Variants in VAV2 observed in about 807,000 individuals in gnomAD.
VAV2 encodes the protein vav guanine nucleotide exchange factor 2.
VAV2 carries 67 observed loss-of-function variants against 132.5 expected under a neutral mutation model. The observed-to-expected ratio is 0.51, with a 90% CI of 0.42 to 0.62. The LOEUF (loss-of-function observed/expected upper bound fraction) is 0.62. Ranked by LOEUF, VAV2 falls within the 20% of genes least tolerant of loss-of-function variation. The pLI, the probability that VAV2 is intolerant of heterozygous loss-of-function variation, is 0.00. For synonymous variants in VAV2, 492 were observed against 443.5 expected (o/e 1.11, Z -1.37); for missense variants, 938 against 1,153.6 (o/e 0.81, Z 2.71).
chr9:133,779,200 G>A (rs560376939), intron 21 of VAV2, among the ~76,000 whole-genome samples: 4 of 152,348 alleles, frequency 2.6e-5, no homozygotes, highest in Admixed American at 2.0e-4. Flanking sequence ...GGCAGAAGAC[G>A]GGGGATCCCT....
At chr9:133,790,999 T>A (rs1023649367) in intron 13 of VAV2, among the ~76,000 whole-genome samples, 1 of 152,124 alleles carries the variant, frequency 6.6e-6, no homozygotes, top group Non-Finnish European at 1.5e-5. Flanking sequence ...GGGGTGCTAC[T>A]GGTGTCTGGT....
At chr9:133,843,251 G>C (rs765437030) in intron 3 of VAV2, among the ~76,000 whole-genome samples, 24 of 152,296 alleles carry the variant, frequency 1.6e-4, no homozygotes, top group Admixed American at 9.8e-4. Context: ...GAGACAGCTC[G>C]GGGTGGCAGG....
chr9:133,979,814 G>T (rs1020336102), intron 1 of VAV2, among the ~76,000 whole-genome samples: 2 of 152,210 alleles, frequency 1.3e-5, no homozygotes, highest in Admixed American at 1.3e-4. Flanking sequence ...TGAGGGGAAG[G>T]CGGCGCCAGC....
chr9:133,807,285 G>A lies in VAV2; in HGVS notation c.708C>T (p.Asp236=), dbSNP rs753667428. 4.3e-6 allele frequency: 7 copies of A among 1,611,280 alleles called. No homozygotes were observed. Among genetic ancestry groups the A allele is most frequent in the Non-Finnish European group, 5.9e-6 (7 of 1,179,384 alleles). ...SPLRLVLSPA[D]MAAVFINLED... ...CCAGGTTAATGAAGACAGCTGCCATGTCCGCCGGGCTCAGCACCAGCCGCA... is the reference window on the plus strand; with the variant it reads ...CCAGGTTAATGAAGACAGCTGCCATATCCGCCGGGCTCAGCACCAGCCGCA... The change falls in exon 8 of 30, where the codon GAC becomes GAT. Residue 236 remains aspartate (D), a synonymous_variant. Coordinates refer to ENST00000371850, the MANE Select transcript of VAV2 (RefSeq NM_001134398.2).
At chr9:133,793,888 T>C (rs929727422) in intron 12 of VAV2, among the ~76,000 whole-genome samples, 8 of 152,148 alleles carry the variant, frequency 5.3e-5, no homozygotes, top group African/African-American at 1.9e-4. Context: ...AGTGGCTGCA[T>C]GAATGACTTC....
At chr9:133,939,379 C>T (rs1044154675) in intron 1 of VAV2, 160 bp from the exon 2 acceptor site, 17 of 694,828 alleles carry the variant, frequency 2.4e-5, no homozygotes, top group African/African-American at 1.8e-4. Flanking sequence ...AGAGAGATGA[C>T]GAAACCCCCC....
At chr9:133,799,666 G>GC (rs1331113972) in intron 9 of VAV2, among the ~76,000 whole-genome samples, 1 of 152,104 alleles carries the variant, frequency 6.6e-6, no homozygotes, top group African/African-American at 2.4e-5. Context: ...ATGGGAACCT[G>GC]CCCCCTGGTT....
intron 2 of VAV2, among the ~76,000 whole-genome samples, chr9:133,891,259 A>C (rs1428134676): frequency 3.5e-4 from 34 of 96,028 alleles, no homozygotes; most frequent in Non-Finnish European, 5.6e-4. Flanking sequence ...TCTCAGCAGG[A>C]GGGATGGGGG....
intron 29 of VAV2, among the ~76,000 whole-genome samples, chr9:133,765,444 A>G (rs1833400537): frequency 6.6e-6 from 1 of 152,246 alleles, no homozygotes; most frequent in East Asian, 1.9e-4. Context: ...GGTGTTCCCA[A>G]TGGAACCTCA....
chr9:133,911,016 C>T (rs1839866759), intron 2 of VAV2, among the ~76,000 whole-genome samples: 1 of 152,014 alleles, frequency 6.6e-6, no homozygotes, highest in African/African-American at 2.4e-5. Context: ...CAGCTGGGAG[C>T]GCCGTGGCCT....
At chr9:133,986,768 G>T (rs1047850948) in intron 1 of VAV2, among the ~76,000 whole-genome samples, 1 of 152,082 alleles carries the variant, frequency 6.6e-6, no homozygotes, top group African/African-American at 2.4e-5. Context: ...CTCTGCTCCC[G>T]GCAGCCCTGT....
chr9:133,858,924 C>T (rs900946602), intron 3 of VAV2, among the ~76,000 whole-genome samples: 2 of 152,214 alleles, frequency 1.3e-5, no homozygotes, highest in African/African-American at 2.4e-5. Context: ...GGCAGTTCCC[C>T]GACCTGAGAG....
In VAV2 at chr9:133,777,490, C is replaced by G. The variant is rs377397335; in HGVS notation, c.1891-27G>C. ...TGGCAGAGGAAAGAGATGGTTAGGA[C>G]AAGGGGGCCGAGCCTGGCCTATGGG... is the stretch of plus-strand genomic sequence containing the variant. On this transcript the variant is annotated intron_variant, in intron 22 of 29. Coordinates refer to ENST00000371850, the MANE Select transcript of VAV2 (RefSeq NM_001134398.2). 9 of 1,611,160 alleles carry G rather than the reference C, an allele frequency of 5.6e-6. No homozygotes were observed. The Admixed American group carries it at 1.3e-4, about 24-fold the overall frequency.
intron 1 of VAV2, among the ~76,000 whole-genome samples, chr9:133,977,380 T>A (rs1842548423): frequency 6.6e-6 from 1 of 152,118 alleles, no homozygotes. Flanking sequence ...GAGGCACAGA[T>A]GGCCCAGTCA....
Position 133,939,201 on chromosome 9 carries a change from T to G in VAV2, c.223A>C (p.Ile75Leu). The G allele has an allele frequency of 1.2e-6, 2 of 1,614,230 alleles. No individual in the cohort carries two copies. Among genetic ancestry groups the G allele is most frequent in the Non-Finnish European group, 1.7e-6 (2 of 1,180,044 alleles). ...TGGCAGACTTTCAGGAAGGTGCGTA[T>G]GTTCTTCAAACACAGAAACTAAAGG... ...QMSQFLCLKNIRTFLKVCHDK... is the reference protein window; with the variant it reads ...QMSQFLCLKNLRTFLKVCHDK... The change falls in exon 2 of 30, where the codon ATA becomes CTA. Residue 75 changes from isoleucine to leucine, a missense_variant. By Grantham distance (5) the Ile-to-Leu change is conservative. Coordinates refer to ENST00000371850, the MANE Select transcript of VAV2 (RefSeq NM_001134398.2).
intron 3 of VAV2, chr9:133,861,136 G>T: frequency 2.1e-6 from 1 of 467,832 alleles, no homozygotes; most frequent in Non-Finnish European, 3.8e-6. Flanking sequence ...TAAATCGAAA[G>T]AGATTTTGCA....
chr9:133,821,279 A>G (rs1172459990), intron 4 of VAV2, among the ~76,000 whole-genome samples: 1 of 152,224 alleles, frequency 6.6e-6, no homozygotes, highest in African/African-American at 2.4e-5. Context: ...GCCAGTCCTC[A>G]TCACTTCGGA....
In VAV2 at chr9:133,889,754, A is replaced by C. The variant is rs537877787; in HGVS notation, c.322-28322T>G. On this transcript the variant is annotated intron_variant, in intron 2 of 29. Coordinates refer to ENST00000371850, the MANE Select transcript of VAV2 (RefSeq NM_001134398.2). ...TGTTCAGAAGACATTTCATTTACAC[A>C]CACACACAAAAAATTTTTTTCTTCT... is the stretch of plus-strand genomic sequence containing the variant. Among the ~76,000 whole-genome samples the C allele has an allele frequency of 3.3e-5, 5 of 151,632 alleles. 1 individual carries two copies. The highest frequency in any genetic ancestry group is 3.3e-4 in the Admixed American group (5 of 15,232).
chr9:133,932,357 C>T (rs115308028), intron 2 of VAV2, among the ~76,000 whole-genome samples: 2,613 of 152,312 alleles, frequency 0.017, 82 homozygotes, highest in African/African-American at 0.059. Flanking sequence ...GGCCATAACT[C>T]GGCCCCAGCA....
Sources: gnomAD v4.1 joint callset for allele counts (sites outside exome capture counted in the v4.1 genomes callset) on GRCh38, gnomAD v4.1.1 for gene constraint, MANE v1.5 for transcripts, NCBI Gene and HGNC (gene_info 2026-07-23, HGNC 2026-07-21) for gene names.